The following PDE4D variants were observed in gnomAD, a reference collection of about 807,000 sequenced individuals.
PDE4D encodes 3',5'-cyclic-AMP phosphodiesterase 4D.
A neutral mutation model predicts 87.4 loss-of-function variants in PDE4D; 24 were observed. That is an observed-to-expected ratio of 0.27 (90% CI 0.20 to 0.39). The LOEUF (loss-of-function observed/expected upper bound fraction) is 0.39, where lower values mean the gene tolerates loss of function less well. Among genes scored for constraint, PDE4D ranks in the 10% least tolerant of loss-of-function variants. The pLI, the probability that PDE4D is intolerant of heterozygous loss-of-function variation, is 1.00. For missense variants in PDE4D, 714 were observed against 1,041.0 expected (o/e 0.69, Z 4.32); for synonymous variants, 384 against 383.2 (o/e 1.00, Z -0.02).
chr5:60,154,671 C>A (rs1202740598), intron 2 of PDE4D, among the ~76,000 whole-genome samples: 5 of 152,182 alleles, frequency 3.3e-5, no homozygotes, highest in Admixed American at 2.6e-4. Context: ...ATAAGCAGCA[C>A]CCTGATCAAA....
intron 1 of PDE4D, among the ~76,000 whole-genome samples, chr5:59,650,762 AT>A (rs1279827534): frequency 7.9e-5 from 12 of 152,214 alleles, no homozygotes; most frequent in African/African-American, 2.9e-4. Flanking sequence ...TCTATTACCA[AT>A]TTGAAATGTT....
At chr5:59,526,118 C>T (rs1485555528) in intron 1 of PDE4D, among the ~76,000 whole-genome samples, 2 of 152,096 alleles carry the variant, frequency 1.3e-5, no homozygotes, top group Non-Finnish European at 2.9e-5. Flanking sequence ...TGGAGCAATG[C>T]AGCACTCCTC....
intron 1 of PDE4D, among the ~76,000 whole-genome samples, chr5:59,657,306 T>C (rs1354381551): frequency 6.6e-6 from 1 of 152,232 alleles, no homozygotes; most frequent in Non-Finnish European, 1.5e-5. Context: ...CTTGTCACAA[T>C]TGTTAACACC....
intron 1 of PDE4D, among the ~76,000 whole-genome samples, chr5:59,394,519 A>G (rs1156576120): frequency 6.6e-6 from 1 of 152,222 alleles, no homozygotes; most frequent in Non-Finnish European, 1.5e-5. Context: ...CAATTCCCTT[A>G]GTGATATATA....
intron 1 of PDE4D, among the ~76,000 whole-genome samples, chr5:59,341,882 A>G (rs1445475188): frequency 6.6e-6 from 1 of 152,190 alleles, no homozygotes; most frequent in Non-Finnish European, 1.5e-5. Flanking sequence ...ACGCTAGCTG[A>G]TGTGAGCTGA....
chr5:59,397,825 G>A (rs1356595521), intron 1 of PDE4D, among the ~76,000 whole-genome samples: 3 of 115,546 alleles, frequency 2.6e-5, no homozygotes, highest in Admixed American at 1.7e-4. Flanking sequence ...AAAATTGATA[G>A]ACCGCTAGCA....
Position 59,668,918 on chromosome 5 carries a change from G to T in PDE4D, c.455+224250C>A, listed in dbSNP as rs909237373. Among the ~76,000 whole-genome samples, 5 of 71,154 alleles carry T rather than the reference G, an allele frequency of 7.0e-5. 1 individual carries two copies. The highest frequency in any genetic ancestry group is 6.9e-4 in the Admixed American group (5 of 7,222). 46.7% of individuals were successfully genotyped at this position (71,154 alleles called of 152,430 possible). ...AGAAGAAGAAGAAGAAGAAGAAGAA[G>T]AAGAAAGAAAGAAAGAATTAGTTCA... On this transcript the variant is annotated intron_variant, in intron 1 of 14. Coordinates refer to ENST00000340635, the MANE Select transcript of PDE4D (RefSeq NM_001104631.2).
intron 1 of PDE4D, chr5:59,430,161 C>T (rs1795900593): frequency 1.3e-6 from 1 of 783,146 alleles, no homozygotes; most frequent in Non-Finnish European, 1.7e-6. Flanking sequence ...TTTTTCCCAA[C>T]TATCCAGTGT....
At chr5:59,818,215 T>C (rs1354152456) in intron 1 of PDE4D, among the ~76,000 whole-genome samples, 2 of 152,194 alleles carry the variant, frequency 1.3e-5, no homozygotes, top group Non-Finnish European at 2.9e-5. Flanking sequence ...AGAGAGGAAA[T>C]GTATAATTGG....
At chr5:60,502,241 A>T (rs1750115548) in intron 1 of PDE4D, among the ~76,000 whole-genome samples, 1 of 152,120 alleles carries the variant, frequency 6.6e-6, no homozygotes, top group South Asian at 2.1e-4. Context: ...TTTTCCCAGG[A>T]CCATTTATTA....
At chr5:59,252,076 G>A (rs28688372) in intron 1 of PDE4D, among the ~76,000 whole-genome samples, 22 of 152,020 alleles carry the variant, frequency 1.4e-4, no homozygotes, top group Non-Finnish European at 2.6e-4. Flanking sequence ...TTAGGCTTTG[G>A]GCTTAATACC....
chr5:59,968,993 C>A (rs1416678675), intron 3 of PDE4D, among the ~76,000 whole-genome samples: 6 of 108,684 alleles, frequency 5.5e-5, no homozygotes, highest in Admixed American at 9.8e-5. Context: ...GAAAAGGCAC[C>A]CCCCCCCCGA....
chr5:60,082,980 CATCT>C (rs2152904931), intron 2 of PDE4D, among the ~76,000 whole-genome samples: 1 of 152,294 alleles, frequency 6.6e-6, no homozygotes, highest in East Asian at 1.9e-4. Flanking sequence ...CTCCTCCCTC[CATCT>C]GAGGTAGCCC....
At chr5:60,086,550 G>C in intron 2 of PDE4D, among the ~76,000 whole-genome samples, 1 of 152,178 alleles carries the variant, frequency 6.6e-6, no homozygotes, top group East Asian at 1.9e-4. Flanking sequence ...GCCATAAATG[G>C]AATTTTCCAT....
intron 1 of PDE4D, among the ~76,000 whole-genome samples, chr5:59,728,778 T>G (rs1374380030): frequency 6.6e-6 from 1 of 152,134 alleles, no homozygotes; most frequent in Non-Finnish European, 1.5e-5. Flanking sequence ...GTGTTTAATT[T>G]GTCTCTCAAT....
At chr5:59,130,168 A>T (rs1561536664) in intron 5 of PDE4D, among the ~76,000 whole-genome samples, 1 of 152,190 alleles carries the variant, frequency 6.6e-6, no homozygotes, top group Non-Finnish European at 1.5e-5. Flanking sequence ...ATTGGCCTGC[A>T]TTATGAATGC....
intron 1 of PDE4D, among the ~76,000 whole-genome samples, chr5:60,294,912 G>A (rs1753233539): frequency 6.6e-6 from 1 of 152,018 alleles, no homozygotes. Context: ...CCATTGTGAT[G>A]AAGATTAAGA....
intron 1 of PDE4D, among the ~76,000 whole-genome samples, chr5:59,737,032 G>A (rs1476959032): frequency 1.3e-5 from 2 of 152,026 alleles, no homozygotes; most frequent in Non-Finnish European, 2.9e-5. Flanking sequence ...AAATGTATTA[G>A]GTTACAGATG....
At chr5:59,142,963 G>A (rs1193219178) in intron 5 of PDE4D, among the ~76,000 whole-genome samples, 1 of 152,024 alleles carries the variant, frequency 6.6e-6, no homozygotes, top group Non-Finnish European at 1.5e-5. Flanking sequence ...TAGGTAAGGA[G>A]CACTGAAAAA....
Sources: gnomAD v4.1 joint callset for allele counts (sites outside exome capture counted in the v4.1 genomes callset) on GRCh38, gnomAD v4.1.1 for gene constraint, MANE v1.5 for transcripts, NCBI Gene and HGNC (gene_info 2026-07-23, HGNC 2026-07-21) for gene names.